Variants in FRRS1 observed in about 807,000 individuals in gnomAD.
FRRS1 encodes ferric chelate reductase 1, also known as ferric reductase 1.
A neutral mutation model predicts 70.7 loss-of-function variants in FRRS1; 51 were observed. The observed-to-expected ratio is 0.72, with a 90% CI of 0.58 to 0.91. The LOEUF (loss-of-function observed/expected upper bound fraction) is 0.91, where lower values mean the gene tolerates loss of function less well. FRRS1 is among the 40% of genes least tolerant of loss of function. FRRS1 has a pLI of 0.00. For synonymous variants in FRRS1, 225 were observed against 238.7 expected (o/e 0.94, Z 0.53); for missense variants, 672 against 726.0 (o/e 0.93, Z 0.86).
intron 10 of FRRS1, 136 bp from the exon 11 acceptor site, chr1:99,717,661 T>C (rs908759204): frequency 4.7e-6 from 3 of 634,542 alleles, no homozygotes; most frequent in Non-Finnish European, 8.5e-6. Context: ...CCTAAAAAGA[T>C]GCTATACATT....
chr1:99,753,058 A>G (rs1656648020), intron 1 of FRRS1, among the ~76,000 whole-genome samples: 2 of 151,886 alleles, frequency 1.3e-5, no homozygotes, highest in South Asian at 4.2e-4. Flanking sequence ...ACAAAAAATG[A>G]AAAAATTAGC....
Position 99,712,522 on chromosome 1 carries a change from A to C in FRRS1, c.1324-7T>G. ...ATGGGTGGTAACCTGCATGCTAAAC[A>C]AAGTTACATCATTTTAATGGCCTCA... On this transcript the variant is annotated splice_region_variant and splice_polypyrimidine_tract_variant and intron_variant, in intron 12 of 16. Coordinates refer to ENST00000646001, the MANE Select transcript of FRRS1 (RefSeq NM_001361041.2). The C allele has an allele frequency of 1.3e-6, 2 of 1,553,952 alleles. No homozygotes were observed. Among genetic ancestry groups the C allele is most frequent in the African/African-American group, 1.4e-5 (1 of 73,000 alleles).
Position 99,712,105 on chromosome 1 carries a change from C to G in FRRS1, c.1480G>C (p.Val494Leu). The change falls in exon 14 of 17, where the codon GTG becomes CTG. Residue 494 changes from valine (V) to leucine (L), a missense_variant and splice_region_variant. By Grantham distance (32) the Val-to-Leu change is conservative. Transcript: ENST00000646001. ...AATAAGTGGCATCACAATCTCTTAC[C>G]TGCTATTATTCTAGCAGCTGTTCCC... ...SMGTAARIIA[V>L]AAMFLGMDLP... The G allele has an allele frequency of 6.3e-7, 1 of 1,598,494 alleles. No homozygotes were observed. The highest frequency in any genetic ancestry group is 8.6e-7 in the Non-Finnish European group (1 of 1,168,364).
intron 1 of FRRS1, among the ~76,000 whole-genome samples, chr1:99,753,256 C>T (rs1351996924): frequency 6.0e-5 from 9 of 150,490 alleles, no homozygotes; most frequent in Admixed American, 5.9e-4. Context: ...TGCGGTGGCT[C>T]ATGCCTGTAA....
chr1:99,742,136 G>A (rs1421208990), intron 5 of FRRS1, 43 bp downstream of exon 5: 39 of 1,245,128 alleles, frequency 3.1e-5, no homozygotes, highest in Middle Eastern at 1.9e-4. Flanking sequence ...TTATAGGCAT[G>A]AGCCACCATG....
intron 1 of FRRS1, among the ~76,000 whole-genome samples, chr1:99,761,208 C>T (rs913622114): frequency 9.2e-5 from 14 of 152,032 alleles, no homozygotes; most frequent in African/African-American, 3.4e-4. Flanking sequence ...CTCACTACAA[C>T]CTCCACGTAT....
chr1:99,750,508 T>C (rs1363939918), intron 1 of FRRS1, among the ~76,000 whole-genome samples: 1 of 152,160 alleles, frequency 6.6e-6, no homozygotes, highest in Non-Finnish European at 1.5e-5. Context: ...GTAGATGGCA[T>C]GCAAGAACAA....
At chr1:99,740,216 A>G (rs184952063) in intron 6 of FRRS1, among the ~76,000 whole-genome samples, 33 of 144,412 alleles carry the variant, frequency 2.3e-4, no homozygotes, top group Middle Eastern at 7.1e-3. Flanking sequence ...GTTTAAAAGA[A>G]AGAAAAAAAA....
chr1:99,755,486 C>A (rs1422210129), intron 1 of FRRS1, among the ~76,000 whole-genome samples: 1 of 152,074 alleles, frequency 6.6e-6, no homozygotes, highest in African/African-American at 2.4e-5. Context: ...ATTTAATCGA[C>A]TTCGCCATTA....
chr1:99,755,308 CAGCTACTCAA>C (rs1033343405), intron 1 of FRRS1, among the ~76,000 whole-genome samples: 3 of 151,442 alleles, frequency 2.0e-5, no homozygotes, highest in Non-Finnish European at 2.9e-5. Context: ...CCTGTAGTCT[CAGCTACTCAA>C]GAGGCCGAGG....
chr1:99,765,991 T>G (rs555252904), intron 1 of FRRS1, among the ~76,000 whole-genome samples: 130 of 152,238 alleles, frequency 8.5e-4, no homozygotes, highest in Non-Finnish European at 1.4e-3. Context: ...AGTTTAGCTA[T>G]GTTAAGAAAT....
At chr1:99,738,042 T>C in intron 7 of FRRS1, 44 bp downstream of exon 7, 3 of 1,499,982 alleles carry the variant, frequency 2.0e-6, no homozygotes, top group Non-Finnish European at 2.7e-6. Context: ...TGCCTAGCCG[T>C]GATTCTCCTT....
intron 1 of FRRS1, among the ~76,000 whole-genome samples, chr1:99,749,631 G>A (rs1656472217): frequency 6.6e-6 from 1 of 152,224 alleles, no homozygotes; most frequent in African/African-American, 2.4e-5. Flanking sequence ...CCAATTGGTA[G>A]AGATAATAAT....
At position 99,710,929 on chromosome 1, in the gene FRRS1, T is replaced by C; in HGVS notation, c.1501A>G (p.Met501Val). 1 of 1,613,742 alleles carries C rather than the reference T, an allele frequency of 6.2e-7. No homozygotes were observed. Among genetic ancestry groups the C allele is most frequent in the Non-Finnish European group, 8.5e-7 (1 of 1,179,746 alleles). The change falls in exon 15 of 17, where the codon ATG (methionine) becomes GTG (valine). Residue 501 changes from methionine to valine, a missense_variant. Met to Val is a conservative substitution (Grantham distance 21). Transcript: ENST00000646001. ...GGAAGATTCAGTCCTGGTAAATCCA[T>C]TCCCAGGAACATCGCTGCCACTACA... is the stretch of plus-strand genomic sequence containing the variant. ...IIAVAAMFLGMDLPGLNLPDS... is the reference protein window; with the variant it reads ...IIAVAAMFLGVDLPGLNLPDS...
chr1:99,709,968 AAAAC>A (rs1050440216), intron 15 of FRRS1, among the ~76,000 whole-genome samples: 121 of 152,188 alleles, frequency 8.0e-4, no homozygotes, highest in African/African-American at 2.5e-3. Flanking sequence ...ACTCTGTCTC[AAAAC>A]AAACAAACAA....
intron 9 of FRRS1, among the ~76,000 whole-genome samples, chr1:99,727,015 C>A (rs1655111639): frequency 6.6e-6 from 1 of 152,186 alleles, no homozygotes; most frequent in Non-Finnish European, 1.5e-5. Flanking sequence ...GCACCCAGTC[C>A]ATTTCCCATG....
chr1:99,748,508 T>C, intron 3 of FRRS1, 65 bp downstream of exon 3: 1 of 1,187,064 alleles, frequency 8.4e-7, no homozygotes, highest in Non-Finnish European at 1.2e-6. Context: ...CAAGTAATAA[T>C]AAAGATTCAA....
At chr1:99,711,261 A>C (rs2100899572) in intron 14 of FRRS1, 1 of 275,836 alleles carries the variant, frequency 3.6e-6, no homozygotes, top group Middle Eastern at 1.2e-3. Context: ...GTAGTGTTTC[A>C]ACTCTTTCCC....
intron 12 of FRRS1, among the ~76,000 whole-genome samples, chr1:99,714,840 T>C (rs988148044): frequency 1.3e-5 from 2 of 152,174 alleles, no homozygotes; most frequent in South Asian, 4.1e-4. Context: ...ATTTTGGACA[T>C]GTTAAGTCTA....
Sources: allele counts gnomAD v4.1 joint callset (sites outside exome capture counted in the v4.1 genomes callset), GRCh38; gene constraint gnomAD v4.1.1; transcripts MANE v1.5; gene names NCBI Gene and HGNC (gene_info 2026-07-23, HGNC 2026-07-21).